IFT80: variants seen among roughly 807,000 people sequenced by gnomAD.
The protein encoded by IFT80 is intraflagellar transport protein 80 homolog.
In IFT80, 79 loss-of-function variants were observed where a neutral mutation model predicts 107.9. The ratio of observed to expected loss-of-function variants is 0.73; its 90% confidence interval spans 0.61 to 0.88. The LOEUF (loss-of-function observed/expected upper bound fraction) is 0.88. IFT80 is among the 40% of genes least tolerant of loss of function. The pLI, the probability that IFT80 is intolerant of heterozygous loss-of-function variation, is 0.00. For synonymous variants in IFT80, 299 were observed against 300.9 expected (o/e 0.99, Z 0.07); for missense variants, 797 against 914.2 (o/e 0.87, Z 1.65).
Position 160,347,975 on chromosome 3 carries a change from C to T in IFT80, c.777+8038G>A, listed in dbSNP as rs74893853. ...ATTTGGATATGTATTATCAAAATAC[C>T]CTTCAAAAAGTCAAATCACTCTATA... On this transcript the variant is annotated intron_variant, in intron 8 of 19. Transcript: ENST00000326448. Among the ~76,000 whole-genome samples the T allele has an allele frequency of 4.5e-3, 678 of 152,070 alleles. 7 individuals carry two copies. Among genetic ancestry groups the T allele is most frequent in the African/African-American group, 0.016 (653 of 41,486 alleles).
intron 1 of IFT80, among the ~76,000 whole-genome samples, chr3:160,396,336 T>G (rs1048377725): frequency 2.1e-4 from 30 of 145,390 alleles, no homozygotes; most frequent in Non-Finnish European, 1.9e-4. Context: ...ATACAATACT[T>G]ACATAAATTC....
chr3:160,339,614 T>A (rs1160161056), intron 8 of IFT80, among the ~76,000 whole-genome samples: 1 of 152,128 alleles, frequency 6.6e-6, no homozygotes, highest in Admixed American at 6.5e-5. Context: ...GGCTACAGAA[T>A]ATGAAAAAGT....
At chr3:160,378,768 A>G (rs1712238585) in intron 3 of IFT80, among the ~76,000 whole-genome samples, 1 of 152,100 alleles carries the variant, frequency 6.6e-6, no homozygotes, top group Admixed American at 6.6e-5. Context: ...ATGAGAATCT[A>G]CAAGTCTAAT....
Position 160,386,954 on chromosome 3 carries a change from G to A in IFT80, c.-46-2308C>T, listed in dbSNP as rs1288913663. Among the ~76,000 whole-genome samples, 4 of 152,244 alleles carry A rather than the reference G, an allele frequency of 2.6e-5. No individual in the cohort carries two copies. The East Asian group carries it at 5.8e-4, about 22-fold the overall frequency. ...ACCAAGAAGCCAGTGGAGAAGTTAT[G>A]AGCAAATAAGCAATATGAACTGACT... On this transcript the variant is annotated intron_variant, in intron 1 of 19. Coordinates refer to ENST00000326448, the MANE Select transcript of IFT80 (RefSeq NM_020800.3).
intron 6 of IFT80, among the ~76,000 whole-genome samples, chr3:160,358,396 A>G (rs1187769754): frequency 2.6e-5 from 4 of 151,966 alleles, no homozygotes; most frequent in African/African-American, 9.7e-5. Context: ...TATTCTTCTA[A>G]GTTTCATTCA....
rs139035296 is a variant in IFT80, at chr3:160,391,809, T to A, written c.-46-7163A>T. Among the ~76,000 whole-genome samples, 359 of 152,352 alleles carry A rather than the reference T, an allele frequency of 2.4e-3. 4 individuals carry two copies. Among genetic ancestry groups the A allele is most frequent in the African/African-American group, 8.0e-3 (332 of 41,588 alleles). Reference sequence around the variant, plus strand: ...CCAAGATTTCTGACCTTGTGGAAAGTCACATCAATCCTGTACCATCAAAGT... The same window carrying A: ...CCAAGATTTCTGACCTTGTGGAAAGACACATCAATCCTGTACCATCAAAGT... On this transcript the variant is annotated intron_variant, in intron 1 of 19. Transcript: ENST00000326448.
At chr3:160,363,765 CCCTATTT>C (rs1313831705) in intron 6 of IFT80, among the ~76,000 whole-genome samples, 1 of 152,100 alleles carries the variant, frequency 6.6e-6, no homozygotes, top group African/African-American at 2.4e-5. Flanking sequence ...GGAAAGGATT[CCCTATTT>C]AATAAATGGT....
intron 8 of IFT80, chr3:160,342,883 T>C (rs1011944262): frequency 6.6e-6 from 1 of 152,364 alleles, no homozygotes; most frequent in African/African-American, 2.4e-5. Context: ...CCAAATAAAC[T>C]AGAGTAATCC....
At chr3:160,349,619 G>A (rs1001725096) in intron 8 of IFT80, among the ~76,000 whole-genome samples, 4 of 152,014 alleles carry the variant, frequency 2.6e-5, no homozygotes, top group African/African-American at 9.7e-5. Context: ...ATCTGGCCCT[G>A]GATAAATACC....
At chr3:160,362,841 T>C (rs1467803268) in intron 6 of IFT80, among the ~76,000 whole-genome samples, 1 of 152,148 alleles carries the variant, frequency 6.6e-6, no homozygotes, top group Non-Finnish European at 1.5e-5. Context: ...AAACTCTCCA[T>C]AAACTAGGTA....
At chr3:160,383,343 G>T in intron 2 of IFT80, 1 of 507,154 alleles carries the variant, frequency 2.0e-6, no homozygotes, top group Non-Finnish European at 2.5e-6. Flanking sequence ...TTTTTGAAAA[G>T]ACAGTAAAAA....
chr3:160,326,086 C>T lies in IFT80; in HGVS notation c.778-6147G>A, dbSNP rs560507948. Among the ~76,000 whole-genome samples, 5 of 151,840 alleles carry T rather than the reference C, an allele frequency of 3.3e-5. No individual in the cohort carries two copies. The South Asian group carries it at 1.0e-3, about 32-fold the overall frequency. On this transcript the variant is annotated intron_variant, in intron 8 of 19. Transcript: ENST00000326448. The stretch of plus-strand genomic sequence containing the variant: ...CCAGTACCCATTAATGATAACAAAC[C>T]CCCATAATACAAGGTTACCTACATA...
chr3:160,307,360 G>A (rs530719238), intron 10 of IFT80, among the ~76,000 whole-genome samples: 1 of 152,268 alleles, frequency 6.6e-6, no homozygotes, highest in East Asian at 1.9e-4. Context: ...TGTTGCTTAT[G>A]CTGGTCTCAA....
intron 19 of IFT80, among the ~76,000 whole-genome samples, chr3:160,263,311 G>C (rs1376958898): frequency 6.6e-6 from 1 of 151,954 alleles, no homozygotes; most frequent in Non-Finnish European, 1.5e-5. Flanking sequence ...GATTATTATA[G>C]TAACTTCCTA....
chr3:160,307,213 T>C (rs1036390492), intron 10 of IFT80, among the ~76,000 whole-genome samples: 1 of 152,112 alleles, frequency 6.6e-6, no homozygotes, highest in African/African-American at 2.4e-5. Context: ...AGTGGTAGGA[T>C]CACAGCTCAC....
intron 6 of IFT80, 103 bp downstream of exon 6, chr3:160,365,940 A>G (rs1721831163): frequency 3.7e-6 from 3 of 816,172 alleles, no homozygotes; most frequent in South Asian, 1.3e-5. Context: ...TAAAGACCAG[A>G]CTGTAAAAAG....
intron 1 of IFT80, among the ~76,000 whole-genome samples, chr3:160,387,049 G>C (rs1261369411): frequency 6.6e-6 from 1 of 152,104 alleles, no homozygotes; most frequent in Non-Finnish European, 1.5e-5. Context: ...GAATAAGACT[G>C]GACGCAGTAA....
intron 8 of IFT80, among the ~76,000 whole-genome samples, chr3:160,337,651 T>C (rs906609213): frequency 1.3e-5 from 2 of 152,122 alleles, no homozygotes; most frequent in Admixed American, 6.6e-5. Context: ...AATAGTTCTA[T>C]GTAAAATCTT....
At chr3:160,287,432 G>C (rs558698748) in intron 12 of IFT80, among the ~76,000 whole-genome samples, 1 of 152,104 alleles carries the variant, frequency 6.6e-6, no homozygotes, top group Non-Finnish European at 1.5e-5. Flanking sequence ...CATTAACTCC[G>C]GGTAGTGTAG....
Sources: gnomAD v4.1 joint callset for allele counts (sites outside exome capture counted in the v4.1 genomes callset) on GRCh38, gnomAD v4.1.1 for gene constraint, MANE v1.5 for transcripts, NCBI Gene and HGNC (gene_info 2026-07-23, HGNC 2026-07-21) for gene names.